Variants in NAA35 observed in about 807,000 individuals in gnomAD.
NAA35 encodes MAK10 homolog, amino-acid N-acetyltransferase subunit.
NAA35 carries 18 observed loss-of-function variants against 101.7 expected under a neutral mutation model. The ratio of observed to expected loss-of-function variants is 0.18; its 90% confidence interval spans 0.12 to 0.26. NAA35 has a LOEUF of 0.26. Among genes scored for constraint, NAA35 ranks in the 10% least tolerant of loss-of-function variants. The probability of loss-of-function intolerance (pLI) is 1.00; values close to 1 mark genes in which losing one functional copy is unlikely to be tolerated. For missense variants in NAA35, 601 were observed against 886.8 expected (o/e 0.68, Z 4.09); for synonymous variants, 267 against 273.1 (o/e 0.98, Z 0.22).
At chr9:85,981,585 A>G (rs1289474689) in intron 11 of NAA35, among the ~76,000 whole-genome samples, 4 of 152,056 alleles carry the variant, frequency 2.6e-5, no homozygotes, top group African/African-American at 9.7e-5. Context: ...CTCCTCTATT[A>G]CTCTGGTTTT....
chr9:85,971,606 GA>G (rs1038724377), intron 6 of NAA35, among the ~76,000 whole-genome samples: 1 of 152,096 alleles, frequency 6.6e-6, no homozygotes, highest in Non-Finnish European at 1.5e-5. Flanking sequence ...AGTGAAATCT[GA>G]AATCTCCACT....
intron 6 of NAA35, among the ~76,000 whole-genome samples, chr9:85,970,640 T>C (rs1829961256): frequency 6.6e-6 from 1 of 152,160 alleles, no homozygotes; most frequent in African/African-American, 2.4e-5. Flanking sequence ...GCACACCCAT[T>C]ACTGAGGGAT....
chr9:86,009,402 A>T (rs1398527651), intron 14 of NAA35, among the ~76,000 whole-genome samples: 2 of 152,192 alleles, frequency 1.3e-5, no homozygotes, highest in Admixed American at 1.3e-4. Flanking sequence ...CTTTGTGAGA[A>T]GAGATGACGT....
At chr9:85,989,478 AAAAC>A (rs201612774) in intron 11 of NAA35, among the ~76,000 whole-genome samples, 2,530 of 151,930 alleles carry the variant, frequency 0.017, 67 homozygotes, top group African/African-American at 0.055. Context: ...CAAAAAACAA[AAAAC>A]AAACAAACAA....
chr9:85,969,053 T>A (rs1429493468), intron 6 of NAA35, among the ~76,000 whole-genome samples: 3 of 152,204 alleles, frequency 2.0e-5, no homozygotes, highest in Non-Finnish European at 1.5e-5. Flanking sequence ...TGAAGTCTTG[T>A]TCTCCAGCTT....
intron 11 of NAA35, among the ~76,000 whole-genome samples, chr9:85,985,229 T>C (rs918293865): frequency 2.0e-5 from 3 of 152,136 alleles, no homozygotes; most frequent in African/African-American, 2.4e-5. Flanking sequence ...CTCTTGGAGA[T>C]AGTCTGGTAG....
At position 85,956,343 on chromosome 9, in the gene NAA35, T is replaced by G; in HGVS notation, c.125-17T>G. 1.4e-5 allele frequency: 19 copies of G among 1,362,804 alleles called. No individual in the cohort carries two copies. Among genetic ancestry groups the G allele is most frequent in the Non-Finnish European group, 1.9e-5 (19 of 995,174 alleles). The allele number at this position is 1,362,804 out of a possible 1,614,324, so 84.4% of individuals were successfully genotyped here. ...AATATAAATATGTTCAAAGGGTTTT[T>G]CTCTTTTTTTTTTTAGAATTAAAGT... On this transcript the variant is annotated splice_polypyrimidine_tract_variant and intron_variant, in intron 2 of 22. Transcript: ENST00000361671.
At chr9:86,008,374 T>G (rs1831744113) in intron 14 of NAA35, among the ~76,000 whole-genome samples, 2 of 152,228 alleles carry the variant, frequency 1.3e-5, no homozygotes, top group African/African-American at 4.8e-5. Context: ...TATGTTTCTT[T>G]TACATGGTGG....
intron 11 of NAA35, among the ~76,000 whole-genome samples, chr9:85,993,413 C>T (rs1456923734): frequency 6.6e-6 from 1 of 152,162 alleles, no homozygotes; most frequent in Non-Finnish European, 1.5e-5. Flanking sequence ...AAGTGATCTG[C>T]CCACCTTGGC....
chr9:85,996,345 G>T (rs1021666073), intron 11 of NAA35, 54 bp from the exon 12 acceptor site: 1 of 1,257,976 alleles, frequency 7.9e-7, no homozygotes, highest in African/African-American at 1.5e-5. Context: ...AACATTTGCA[G>T]TTTAAAATTC....
Position 85,941,275 on chromosome 9 carries a change from T to G in NAA35, c.-6+2T>G. The stretch of plus-strand genomic sequence containing the variant: ...CGCGGGTGACCACGGGAGAAGTAGG[T>G]AGGGACCGCCCCTGCGTAGCCATTG... On this transcript the variant is annotated splice_donor_variant, in intron 1 of 22. Transcript: ENST00000361671. LOFTEE classifies it low-confidence loss of function (5UTR_SPLICE). 1.0e-6 allele frequency: 1 copy of G among 985,544 alleles called. No homozygotes were observed. Among genetic ancestry groups the G allele is most frequent in the Non-Finnish European group, 1.2e-6 (1 of 830,098 alleles). The allele number at this position is 985,544 out of a possible 1,614,324, so 61.0% of individuals were successfully genotyped here.
In NAA35 at chr9:86,000,367, G is replaced by A. The variant is rs1352825248; in HGVS notation, c.1057-3218G>A. Among the ~76,000 whole-genome samples, 6 of 152,040 alleles carry A rather than the reference G, an allele frequency of 3.9e-5. No individual in the cohort carries two copies. The East Asian group carries it at 1.2e-3, about 29-fold the overall frequency. The stretch of plus-strand genomic sequence containing the variant: ...TATTGGCCTGAAGTCTTCTTTTTTT[G>A]TTGAGTCTCTACCAGGTTTTGGTAT... On this transcript the variant is annotated intron_variant, in intron 12 of 22. Transcript: ENST00000361671.
At chr9:85,991,480 G>A (rs1451281699) in intron 11 of NAA35, among the ~76,000 whole-genome samples, 1 of 152,050 alleles carries the variant, frequency 6.6e-6, no homozygotes, top group Non-Finnish European at 1.5e-5. Context: ...CTGTCCAGGA[G>A]GACTGGATGG....
chr9:85,969,468 A>G (rs564570590), intron 6 of NAA35, among the ~76,000 whole-genome samples: 29 of 152,222 alleles, frequency 1.9e-4, no homozygotes, highest in Admixed American at 1.4e-3. Flanking sequence ...TCTATCTTCA[A>G]AGATACTACT....
rs139855760 is a variant in NAA35 at position 85,957,495 on chromosome 9, G to A, written c.159-977G>A. Among the ~76,000 whole-genome samples, 721 of 152,216 alleles carry A rather than the reference G, an allele frequency of 4.7e-3. 1 individual carries two copies. The highest frequency in any genetic ancestry group is 8.2e-3 in the Non-Finnish European group (558 of 68,008). On this transcript the variant is annotated intron_variant, in intron 3 of 22. Transcript: ENST00000361671. Reference sequence around the variant, plus strand: ...GGAGAGCAAGAACTCACCTCCCTGGGAGGGCATTAATCTATTCATGGGGAT... The same window carrying A: ...GGAGAGCAAGAACTCACCTCCCTGGAAGGGCATTAATCTATTCATGGGGAT...
At chr9:85,979,787 G>C (rs1830360410) in intron 11 of NAA35, among the ~76,000 whole-genome samples, 1 of 152,126 alleles carries the variant, frequency 6.6e-6, no homozygotes, top group Non-Finnish European at 1.5e-5. Context: ...TAACTGTGTA[G>C]GTTTTTCCAC....
Position 85,971,111 on chromosome 9 carries a change from C to G in NAA35, c.517-3856C>G, listed in dbSNP as rs915287007. Reference sequence around the variant, plus strand: ...CATTCATTTGAAAACACCACAGTTTCCTTGATCCCATGGCTCCTTGTATCT... The same window carrying G: ...CATTCATTTGAAAACACCACAGTTTGCTTGATCCCATGGCTCCTTGTATCT... On this transcript the variant is annotated intron_variant, in intron 6 of 22. Coordinates refer to ENST00000361671, the MANE Select transcript of NAA35 (RefSeq NM_024635.4). Among the ~76,000 whole-genome samples, 35 of 152,318 alleles carry G rather than the reference C, an allele frequency of 2.3e-4. 1 individual carries two copies. The highest frequency in any genetic ancestry group is 6.7e-4 in the African/African-American group (28 of 41,590).
At chr9:85,959,735 A>G in intron 4 of NAA35, 58 bp from the exon 5 acceptor site, 1 of 1,169,238 alleles carries the variant, frequency 8.6e-7, no homozygotes, top group Non-Finnish European at 1.3e-6. Flanking sequence ...TACTATACAT[A>G]GTAACCATAA....
chr9:85,967,107 C>CT (rs1266326548), intron 6 of NAA35, among the ~76,000 whole-genome samples: 1 of 152,060 alleles, frequency 6.6e-6, no homozygotes, highest in African/African-American at 2.4e-5. Context: ...CCACTGCACT[C>CT]CAGCCTGGGT....
Sources: gnomAD v4.1 joint callset for allele counts (sites outside exome capture counted in the v4.1 genomes callset) on GRCh38, gnomAD v4.1.1 for gene constraint, MANE v1.5 for transcripts, NCBI Gene and HGNC (gene_info 2026-07-23, HGNC 2026-07-21) for gene names.